AP1AR: variants seen among roughly 807,000 people sequenced by gnomAD.
AP1AR encodes the protein AP-1 complex-associated regulatory protein.
AP1AR carries 29 observed loss-of-function variants against 46.3 expected under a neutral mutation model. The ratio of observed to expected loss-of-function variants is 0.63; its 90% CI spans 0.47 to 0.85. AP1AR has a LOEUF of 0.85. Among genes scored for constraint, AP1AR ranks in the 40% least tolerant of loss-of-function variants. AP1AR has a pLI of 0.00. For synonymous variants in AP1AR, 122 were observed against 122.9 expected (o/e 0.99, Z 0.05); for missense variants, 357 against 356.3 (o/e 1.00, Z -0.02).
In AP1AR at chr4:112,271,584, T is replaced by C. The variant is rs1726951718; in HGVS notation, c.*3175T>C. Among the ~76,000 whole-genome samples, 1 of 152,224 alleles carries C rather than the reference T, an allele frequency of 6.6e-6. No homozygotes were observed. Among genetic ancestry groups the C allele is most frequent in the Non-Finnish European group, 1.5e-5 (1 of 68,038 alleles). On this transcript the variant is annotated 3_prime_UTR_variant, in exon 10 of 10. Transcript: ENST00000274000. The stretch of plus-strand genomic sequence containing the variant: ...ATTGTCTCCCTACTGGCCAAATCTA[T>C]AGATGTCTGACAGCCAGCCTAGTAG...
rs545418739 is a variant in AP1AR, at chr4:112,251,509, A to G, written c.84-1699A>G. 1.1e-4 allele frequency among the ~76,000 whole-genome samples: 16 copies of G among 152,302 alleles called. No individual in the cohort carries two copies. In the South Asian group the frequency reaches 2.9e-3, roughly 28 times the overall value. On this transcript the variant is annotated intron_variant, in intron 1 of 9. Transcript: ENST00000274000. ...AGTCATACTGATGGCTCCTATTGAT[A>G]GTATTACTGGGCTTTATTTCTAATT...
At chr4:112,243,496 A>G (rs1488416330) in intron 1 of AP1AR, among the ~76,000 whole-genome samples, 1 of 152,202 alleles carries the variant, frequency 6.6e-6, no homozygotes, top group African/African-American at 2.4e-5. Context: ...ATTTGATTGC[A>G]TACGTTATTC....
chr4:112,234,098 A>T (rs1485075062), intron 1 of AP1AR, among the ~76,000 whole-genome samples: 1 of 152,204 alleles, frequency 6.6e-6, no homozygotes, highest in Admixed American at 6.5e-5. Flanking sequence ...TGACCTCATG[A>T]TTCGCCAGCC....
At chr4:112,265,881 C>T in intron 8 of AP1AR, 74 bp downstream of exon 8, 1 of 933,478 alleles carries the variant, frequency 1.1e-6, no homozygotes, top group South Asian at 1.7e-5. Context: ...GGCTCTGTTT[C>T]TGTAGAAGAA....
chr4:112,260,070 G>A (rs1560611358), intron 4 of AP1AR, among the ~76,000 whole-genome samples: 1 of 152,202 alleles, frequency 6.6e-6, no homozygotes, highest in Non-Finnish European at 1.5e-5. Flanking sequence ...TGGGGTCCGA[G>A]TGCCAAATTG....
chr4:112,268,482 T>G lies in AP1AR; in HGVS notation c.*73T>G, dbSNP rs1356386580. 2.1e-6 allele frequency: 3 copies of G among 1,432,088 alleles called. No homozygotes were observed. The highest frequency in any genetic ancestry group is 1.9e-6 in the Non-Finnish European group (2 of 1,075,900). 88.7% of individuals were successfully genotyped at this position (1,432,088 alleles called of 1,614,324 possible). A position where few individuals can be genotyped will look rare whatever the true frequency, so the allele number is the denominator to read the frequency against. ...ACCAACTAGAATGTATAAGTGATTGTGCTTAGCCTTTTTGTAAGGGAGATG... is the reference window on the plus strand; with the variant it reads ...ACCAACTAGAATGTATAAGTGATTGGGCTTAGCCTTTTTGTAAGGGAGATG... On this transcript the variant is annotated 3_prime_UTR_variant, in exon 10 of 10. Coordinates refer to ENST00000274000, the MANE Select transcript of AP1AR (RefSeq NM_018569.6).
chr4:112,244,627 T>C (rs1725645686), intron 1 of AP1AR, among the ~76,000 whole-genome samples: 1 of 152,176 alleles, frequency 6.6e-6, no homozygotes, highest in Admixed American at 6.5e-5. Flanking sequence ...TTTTCTTTTG[T>C]ACATCAACTC....
rs1221692854 is a variant in AP1AR at position 112,271,768 on chromosome 4, G to A, written c.*3359G>A. On this transcript the variant is annotated 3_prime_UTR_variant, in exon 10 of 10. Transcript: ENST00000274000. ...TGGATGAAGATGTCAAGTAGGTGATGGGATATATGTCTGCAGCCCAAGAAA... is the reference window on the plus strand; with the variant it reads ...TGGATGAAGATGTCAAGTAGGTGATAGGATATATGTCTGCAGCCCAAGAAA... 2.6e-5 allele frequency among the ~76,000 whole-genome samples: 4 copies of A among 152,176 alleles called. No individual in the cohort carries two copies. The highest frequency in any genetic ancestry group is 5.9e-5 in the Non-Finnish European group (4 of 68,032).
At position 112,264,960 on chromosome 4, in the gene AP1AR, T is replaced by C. The variant is rs373910360; in HGVS notation, c.382-49T>C. 9.7e-6 allele frequency: 14 copies of C among 1,441,728 alleles called. No homozygotes were observed. In the South Asian group the frequency reaches 1.8e-4, roughly 19 times the overall value. 89.3% of individuals were successfully genotyped at this position (1,441,728 alleles called of 1,614,324 possible). On this transcript the variant is annotated intron_variant, in intron 6 of 9. Coordinates refer to ENST00000274000, the MANE Select transcript of AP1AR (RefSeq NM_018569.6). The stretch of plus-strand genomic sequence containing the variant: ...GTGTTGCATGAGTGGTTTTAAAATA[T>C]ATAATTTTACAACAGAGTGATTTTT...
At chr4:112,254,689 G>A (rs963040852) in intron 2 of AP1AR, 58 bp from the exon 3 acceptor site, 5 of 1,088,136 alleles carry the variant, frequency 4.6e-6, no homozygotes, top group Non-Finnish European at 5.3e-6. Flanking sequence ...ATAATTTCTT[G>A]TGAGATGTAT....
intron 4 of AP1AR, 21 bp downstream of exon 4, chr4:112,257,818 A>C (rs528654692): frequency 2.6e-6 from 4 of 1,544,934 alleles, no homozygotes; most frequent in South Asian, 2.5e-5. Flanking sequence ...GTTAAAAAAA[A>C]AAAACAAAAC....
At chr4:112,244,400 A>G (rs986673096) in intron 1 of AP1AR, among the ~76,000 whole-genome samples, 1 of 152,212 alleles carries the variant, frequency 6.6e-6, no homozygotes, top group Non-Finnish European at 1.5e-5. Flanking sequence ...GTATTGCCAC[A>G]GCATAAACTA....
chr4:112,266,207 C>T (rs1433468841), intron 8 of AP1AR, among the ~76,000 whole-genome samples: 1 of 151,722 alleles, frequency 6.6e-6, no homozygotes, highest in Non-Finnish European at 1.5e-5. Context: ...TTATGCTTCC[C>T]AATACTGGAA....
At chr4:112,247,716 A>G (rs1725783069) in intron 1 of AP1AR, among the ~76,000 whole-genome samples, 1 of 152,190 alleles carries the variant, frequency 6.6e-6, no homozygotes, top group South Asian at 2.1e-4. Context: ...ATAGCTTTCT[A>G]ATTGACCTCT....
rs1725025004 is a variant in AP1AR, at chr4:112,232,069, C to T, written c.-23C>T. On this transcript the variant is annotated 5_prime_UTR_variant, in exon 1 of 10. Coordinates refer to ENST00000274000, the MANE Select transcript of AP1AR (RefSeq NM_018569.6). The stretch of plus-strand genomic sequence containing the variant: ...CATTGAGCGGGAGGAGGAGGAGGAG[C>T]GGCGGCGCCTGGGCGGCATGCGATG... 7.4e-6 allele frequency: 10 copies of T among 1,348,714 alleles called. No individual in the cohort carries two copies. Among genetic ancestry groups the T allele is most frequent in the Non-Finnish European group, 8.6e-6 (9 of 1,041,894 alleles). 83.5% of individuals were successfully genotyped at this position (1,348,714 alleles called of 1,614,324 possible). A position where few individuals can be genotyped will look rare whatever the true frequency, so the allele number is the denominator to read the frequency against.
chr4:112,242,763 A>G (rs1482676377), intron 1 of AP1AR, among the ~76,000 whole-genome samples: 1 of 152,188 alleles, frequency 6.6e-6, no homozygotes, highest in East Asian at 1.9e-4. Context: ...TCAAATTTCA[A>G]CATGAGATTG....
chr4:112,258,619 T>G (rs1726305595), intron 4 of AP1AR, among the ~76,000 whole-genome samples: 1 of 152,206 alleles, frequency 6.6e-6, no homozygotes, highest in Non-Finnish European at 1.5e-5. Context: ...TGGTTAATGC[T>G]AACTATCCAG....
At position 112,257,798 on chromosome 4, in the gene AP1AR, G is replaced by T; in HGVS notation, c.185+1G>T. On this transcript the variant is annotated splice_donor_variant, in intron 4 of 9. Coordinates refer to ENST00000274000, the MANE Select transcript of AP1AR (RefSeq NM_018569.6). LOFTEE classifies it high-confidence loss of function. ...GGGAGAGCCCAGGAAGCAGTCATAG[G>T]TAAGGCTTTGTTAAAAAAAAAAAAC... The T allele has an allele frequency of 6.5e-7, 1 of 1,548,956 alleles. No individual in the cohort carries two copies. The highest frequency in any genetic ancestry group is 8.7e-7 in the Non-Finnish European group (1 of 1,152,122).
chr4:112,251,025 T>G (rs1008226191), intron 1 of AP1AR, among the ~76,000 whole-genome samples: 1 of 152,128 alleles, frequency 6.6e-6, no homozygotes, highest in Non-Finnish European at 1.5e-5. Context: ...ATGAGCAGGG[T>G]GGAATGCATC....
Sources: allele counts gnomAD v4.1 joint callset (sites outside exome capture counted in the v4.1 genomes callset), GRCh38; gene constraint gnomAD v4.1.1; transcripts MANE v1.5; gene names NCBI Gene and HGNC (gene_info 2026-07-23, HGNC 2026-07-21).